The following SYTL5 variants were observed in gnomAD, a reference collection of about 807,000 sequenced individuals.
SYTL5 encodes the protein synaptotagmin-like protein 5.
A neutral mutation model predicts 55.9 loss-of-function variants in SYTL5; 34 were observed. The ratio of observed to expected loss-of-function variants is 0.61; its 90% CI spans 0.46 to 0.81. SYTL5 has a LOEUF of 0.81. SYTL5 is among the 30% of genes least tolerant of loss of function. SYTL5 has a pLI of 0.00. For synonymous variants in SYTL5, 221 were observed against 188.7 expected, an observed-to-expected ratio of 1.17 and a Z score of -1.40; for missense variants, 637 against 546.7, an observed-to-expected ratio of 1.17 and a Z score of -1.65.
the SYTL5 span, among the ~76,000 whole-genome samples, chrX:37,924,459 A>G: frequency 9.0e-6 from 1 of 111,461 alleles, no homozygotes. Flanking sequence ...CTCTTTTCCC[A>G]TTGCTCCATA....
chrX:38,080,943 A>C (rs896893851), intron 6 of SYTL5, among the ~76,000 whole-genome samples: 3 of 111,986 alleles, frequency 2.7e-5, no homozygotes, highest in Non-Finnish European at 5.6e-5. Context: ...CGTATTAGAT[A>C]AAACATTACA....
the SYTL5 span, among the ~76,000 whole-genome samples, chrX:37,992,852 T>C: frequency 8.9e-6 from 1 of 112,138 alleles, no homozygotes; most frequent in South Asian, 3.7e-4. Context: ...AGGAAAACTT[T>C]ACATAATCAC....
chrX:38,015,503 C>A (rs1934320587), intron 1 of SYTL5, among the ~76,000 whole-genome samples: 1 of 111,496 alleles, frequency 9.0e-6, no homozygotes, highest in Non-Finnish European at 1.9e-5. Context: ...ATTGCCAAAG[C>A]TAGGATTTGA....
At chrX:38,054,644 G>T (rs1313804462) in intron 3 of SYTL5, among the ~76,000 whole-genome samples, 2 of 87,989 alleles carry the variant, frequency 2.3e-5, no homozygotes, top group Non-Finnish European at 4.5e-5. Flanking sequence ...GAGAGAGAGA[G>T]ATACAGAAAG....
chrX:38,104,196 T>C (rs144763328), intron 10 of SYTL5, among the ~76,000 whole-genome samples: 1 of 112,385 alleles, frequency 8.9e-6, no homozygotes, highest in East Asian at 2.8e-4. Context: ...CACTGTGAAT[T>C]ACTAGTTAGT....
At chrX:37,895,652 G>A in the SYTL5 span, among the ~76,000 whole-genome samples, 1,614 of 109,082 alleles carry the variant, frequency 0.015, 28 homozygotes, top group African/African-American at 0.052. Context: ...AGAAAAGTGG[G>A]ATGGTGGAGG....
chrX:38,023,092 A>G (rs1271184781), intron 1 of SYTL5, among the ~76,000 whole-genome samples: 1 of 112,199 alleles, frequency 8.9e-6, no homozygotes, highest in Non-Finnish European at 1.9e-5. Flanking sequence ...ACAATTATCA[A>G]TTTGTATTTT....
chrX:37,999,947 G>A, the SYTL5 span, among the ~76,000 whole-genome samples: 1 of 111,538 alleles, frequency 9.0e-6, no homozygotes, highest in African/African-American at 3.3e-5. Flanking sequence ...GATAGAAGGT[G>A]CTTAATGTTC....
the SYTL5 span, among the ~76,000 whole-genome samples, chrX:37,951,039 A>G: frequency 1.1e-5 from 1 of 88,515 alleles, no homozygotes; most frequent in Non-Finnish European, 2.3e-5. Flanking sequence ...AGAAAGACTT[A>G]CGAGGAATAA....
At chrX:38,013,063 A>T (rs1934238192) in intron 1 of SYTL5, among the ~76,000 whole-genome samples, 1 of 112,291 alleles carries the variant, frequency 8.9e-6, no homozygotes, top group South Asian at 3.7e-4. Context: ...AAAAATATAG[A>T]TTGGGATGTC....
chrX:38,120,778 A>G (rs958157018), intron 14 of SYTL5, among the ~76,000 whole-genome samples: 1 of 110,584 alleles, frequency 9.0e-6, no homozygotes, highest in African/African-American at 3.3e-5. Context: ...AGGCAAGTAT[A>G]GGAAACTGCT....
the SYTL5 span, among the ~76,000 whole-genome samples, chrX:37,910,966 A>ATTTTTT: frequency 1.3e-5 from 1 of 76,667 alleles, no homozygotes; most frequent in Admixed American, 1.2e-4. Flanking sequence ...TGATAGCATT[A>ATTTTTT]CTTTTTTTTT....
the SYTL5 span, among the ~76,000 whole-genome samples, chrX:37,969,208 C>T: frequency 1.8e-5 from 2 of 111,881 alleles, no homozygotes; most frequent in East Asian, 2.8e-4. Flanking sequence ...TTATGCTTCT[C>T]CTATTTTAAC....
the SYTL5 span, among the ~76,000 whole-genome samples, chrX:37,892,412 G>C: frequency 9.7e-6 from 1 of 103,028 alleles, no homozygotes; most frequent in Non-Finnish European, 2.0e-5. Flanking sequence ...ATTCAAGAAA[G>C]ATTCTTTACC....
intron 7 of SYTL5, among the ~76,000 whole-genome samples, chrX:38,092,826 T>A (rs1217667636): frequency 8.9e-6 from 1 of 111,799 alleles, no homozygotes; most frequent in East Asian, 2.8e-4. Flanking sequence ...CTCTAACCTG[T>A]CCTCTACTAT....
At position 38,034,747 on chromosome X, in the gene SYTL5, C is replaced by A. The variant is rs761675500; in HGVS notation, c.119+739C>A. 7.1e-5 allele frequency among the ~76,000 whole-genome samples: 8 copies of A among 112,368 alleles called. No homozygotes were observed. In the South Asian group the frequency reaches 1.1e-3, roughly 16 times the overall value. The stretch of plus-strand genomic sequence containing the variant: ...GCATCAATTCTGATTGGTTGCGTCG[C>A]CTGCTCTAATTGGTCACATCATTGT... On this transcript the variant is annotated intron_variant, in intron 2 of 16. Coordinates refer to ENST00000297875, the MANE Select transcript of SYTL5 (RefSeq NM_138780.3).
the SYTL5 span, among the ~76,000 whole-genome samples, chrX:37,896,590 T>C: frequency 1.8e-5 from 2 of 111,527 alleles, no homozygotes; most frequent in Non-Finnish European, 3.8e-5. Context: ...GAGATGACCA[T>C]GTGAATGAAT....
chrX:37,971,833 C>G, the SYTL5 span, among the ~76,000 whole-genome samples: 9 of 106,971 alleles, frequency 8.4e-5, no homozygotes, highest in Non-Finnish European at 1.7e-4. Flanking sequence ...AAAGGAGGAA[C>G]TGAGCTGTGC....
At position 38,094,423 on chromosome X, in the gene SYTL5, A is replaced by G. The variant is rs1182289233; in HGVS notation, c.960A>G (p.Ser320=). 7 of 1,193,813 alleles carry G rather than the reference A, an allele frequency of 5.9e-6. No homozygotes were observed. ...CAGTGTCTGGAACCTCTCTCTCCTC[A>G]GGTGGGTATTTACAATGTGCCTACT... is the stretch of plus-strand genomic sequence containing the variant. The part of the protein sequence containing the change: ...SIAVSGTSLS[S]DQSRSELDLS... The change falls in exon 8 of 17, where the codon TCA becomes TCG. Residue 320 remains serine, a splice_region_variant and synonymous_variant. Transcript: ENST00000297875.
Sources: gnomAD v4.1 joint callset for allele counts (sites outside exome capture counted in the v4.1 genomes callset) on GRCh38, gnomAD v4.1.1 for gene constraint, MANE v1.5 for transcripts, NCBI Gene and HGNC (gene_info 2026-07-23, HGNC 2026-07-21) for gene names.